Variants in SMAP1 observed in about 807,000 individuals in gnomAD.
The protein encoded by SMAP1 is stromal membrane-associated protein 1.
Under a neutral mutation model 58.5 loss-of-function variants are expected in SMAP1, and 24 were observed. The ratio of observed to expected loss-of-function variants is 0.41; its 90% CI spans 0.30 to 0.58. The LOEUF is 0.58. Among genes scored for constraint, SMAP1 ranks in the 20% least tolerant of loss-of-function variants. The pLI, the probability that SMAP1 is intolerant of heterozygous loss-of-function variation, is 0.29. For missense variants in SMAP1, 563 were observed against 566.3 expected (o/e 0.99, Z 0.06); for synonymous variants, 216 against 196.6 (o/e 1.10, Z -0.82).
intron 1 of SMAP1, among the ~76,000 whole-genome samples, chr6:70,693,634 C>A (rs1656591362): frequency 1.3e-5 from 2 of 152,074 alleles, no homozygotes; most frequent in African/African-American, 4.8e-5. Context: ...TGCGTTGAAT[C>A]TGTAGATTGC....
intron 1 of SMAP1, among the ~76,000 whole-genome samples, chr6:70,725,093 G>GATTTTT (rs1768710050): frequency 2.1e-5 from 1 of 47,778 alleles, no homozygotes. Flanking sequence ...ATTAACCAGT[G>GATTTTT]TTTTTTTTTT....
chr6:70,747,708 G>A (rs1048647607), intron 2 of SMAP1, among the ~76,000 whole-genome samples: 6 of 152,302 alleles, frequency 3.9e-5, no homozygotes, highest in South Asian at 2.1e-4. Flanking sequence ...TGGACTTTAA[G>A]TGGTATGGAT....
chr6:70,749,609 C>A (rs1541126), intron 2 of SMAP1, among the ~76,000 whole-genome samples: 100,093 of 150,088 alleles, frequency 0.67, 34,357 homozygotes, highest in East Asian at 0.84. Context: ...AAAAAAAAAA[C>A]AACAACCAGT....
chr6:70,724,875 A>G (rs1768696705), intron 1 of SMAP1, among the ~76,000 whole-genome samples: 1 of 151,852 alleles, frequency 6.6e-6, no homozygotes, highest in African/African-American at 2.4e-5. Flanking sequence ...AATATGTTTA[A>G]TATTAAGAAA....
intron 6 of SMAP1, among the ~76,000 whole-genome samples, chr6:70,811,907 T>G (rs1395494716): frequency 6.6e-6 from 1 of 152,196 alleles, no homozygotes; most frequent in Non-Finnish European, 1.5e-5. Flanking sequence ...AAATCTTGTA[T>G]ATACTATGAT....
At chr6:70,802,016 A>G (rs1047590400) in intron 6 of SMAP1, among the ~76,000 whole-genome samples, 20 of 152,222 alleles carry the variant, frequency 1.3e-4, no homozygotes, top group Admixed American at 7.2e-4. Context: ...TTGGTTCCAT[A>G]TGAACTTTAA....
intron 1 of SMAP1, among the ~76,000 whole-genome samples, chr6:70,705,474 A>G (rs1477883666): frequency 1.3e-5 from 2 of 151,974 alleles, no homozygotes; most frequent in African/African-American, 2.4e-5. Context: ...GCTGGTCTCA[A>G]ACTCCTGACT....
intron 1 of SMAP1, among the ~76,000 whole-genome samples, chr6:70,717,136 C>G (rs1004180646): frequency 1.3e-5 from 2 of 152,172 alleles, no homozygotes; most frequent in African/African-American, 4.8e-5. Context: ...GAATTAGAAG[C>G]TAGTTTCTTG....
intron 1 of SMAP1, among the ~76,000 whole-genome samples, chr6:70,715,722 AC>A (rs5877257): frequency 0.24 from 36,394 of 152,000 alleles, 5,396 homozygotes; most frequent in Non-Finnish European, 0.33. Context: ...TTTATTGTGC[AC>A]TTTATTTCTA....
At chr6:70,668,219 C>T (rs982848495) in intron 1 of SMAP1, 78 bp downstream of exon 1, 71 of 1,295,500 alleles carry the variant, frequency 5.5e-5, no homozygotes, top group Middle Eastern at 2.5e-4. Flanking sequence ...GCGCTCGGGG[C>T]CCGAGCGGAC....
intron 2 of SMAP1, among the ~76,000 whole-genome samples, chr6:70,754,252 G>C (rs1467852458): frequency 6.6e-6 from 1 of 152,026 alleles, no homozygotes; most frequent in Non-Finnish European, 1.5e-5. Context: ...AGGAAGTACT[G>C]TTTGCATAGT....
rs1263338160 is a variant in SMAP1 at position 70,861,782 on chromosome 6, C to T, written c.*1448C>T. 1 of 1,614,028 alleles carries T rather than the reference C, an allele frequency of 6.2e-7. No homozygotes were observed. The highest frequency in any genetic ancestry group is 8.5e-7 in the Non-Finnish European group (1 of 1,179,930). On this transcript the variant is annotated 3_prime_UTR_variant, in exon 11 of 11. Transcript: ENST00000370455. Reference sequence around the variant, plus strand: ...GGAAGGAAATAGCTTGGGTAGCGCACTCTTCATGGTGACACTCGAGGTCGG... The same window carrying T: ...GGAAGGAAATAGCTTGGGTAGCGCATTCTTCATGGTGACACTCGAGGTCGG...
At chr6:70,794,363 A>C (rs2149947490) in intron 5 of SMAP1, among the ~76,000 whole-genome samples, 1 of 152,318 alleles carries the variant, frequency 6.6e-6, no homozygotes, top group Non-Finnish European at 1.5e-5. Context: ...CATGCTGTTA[A>C]TATTACTTCG....
intron 4 of SMAP1, among the ~76,000 whole-genome samples, chr6:70,779,326 T>A (rs1767667807): frequency 1.3e-5 from 2 of 152,198 alleles, no homozygotes; most frequent in South Asian, 4.1e-4. Context: ...GCTGGGATTA[T>A]TGGGCTTCAG....
chr6:70,830,134 G>A (rs1464872829), intron 6 of SMAP1, among the ~76,000 whole-genome samples: 2 of 152,150 alleles, frequency 1.3e-5, no homozygotes, highest in African/African-American at 4.8e-5. Context: ...AGAAAATTTT[G>A]TTTAATAAAT....
At chr6:70,756,856 A>AG (rs1766513222) in intron 3 of SMAP1, among the ~76,000 whole-genome samples, 1 of 152,140 alleles carries the variant, frequency 6.6e-6, no homozygotes, top group Non-Finnish European at 1.5e-5. Flanking sequence ...CCACTGCTCA[A>AG]GGAAATAAAA....
chr6:70,860,673 T>A lies in SMAP1; in HGVS notation c.*339T>A, dbSNP rs1771679644. 7.2e-6 allele frequency: 3 copies of A among 416,172 alleles called. No individual in the cohort carries two copies. The East Asian group carries it at 1.0e-4, about 14-fold the overall frequency. The allele number at this position is 416,172 out of a possible 1,614,324, so 25.8% of individuals were successfully genotyped here. On this transcript the variant is annotated 3_prime_UTR_variant, in exon 11 of 11. Transcript: ENST00000370455. ...ATAAGGGAAGTAGTTATCATGTTAG[T>A]AATACCTCTAATAGTATAAACCCCA... is the stretch of plus-strand genomic sequence containing the variant.
intron 1 of SMAP1, chr6:70,668,588 C>T: frequency 6.5e-7 from 1 of 1,535,714 alleles, no homozygotes; most frequent in Non-Finnish European, 8.7e-7. Flanking sequence ...TCCGGTGTGA[C>T]CACGTCCTCC....
At chr6:70,718,222 G>A (rs1173111662) in intron 1 of SMAP1, among the ~76,000 whole-genome samples, 1 of 152,156 alleles carries the variant, frequency 6.6e-6, no homozygotes, top group African/African-American at 2.4e-5. Context: ...TTTGGAACCA[G>A]GAGGACATTG....
Sources: allele counts gnomAD v4.1 joint callset (sites outside exome capture counted in the v4.1 genomes callset), GRCh38; gene constraint gnomAD v4.1.1; transcripts MANE v1.5; gene names NCBI Gene and HGNC (gene_info 2026-07-23, HGNC 2026-07-21).